Variants in FMO5 observed in about 807,000 individuals in gnomAD.
FMO5 encodes flavin-containing monooxygenase 5.
Under a neutral mutation model 43.6 loss-of-function variants are expected in FMO5, and 51 were observed. The observed-to-expected ratio is 1.17, with a 90% CI of 0.93 to 1.48. The LOEUF (loss-of-function observed/expected upper bound fraction) is 1.48, where lower values mean the gene tolerates loss of function less well. Among genes scored for constraint, FMO5 ranks in the 40% most tolerant of loss-of-function variants. FMO5 has a pLI of 0.00. For synonymous variants in FMO5, 187 were observed against 216.5 expected (o/e 0.86, Z 1.20); for missense variants, 644 against 643.0 (o/e 1.00, Z -0.02).
At chr1:147,214,092 C>T (rs1474011096) in intron 3 of FMO5, among the ~76,000 whole-genome samples, 3 of 152,178 alleles carry the variant, frequency 2.0e-5, no homozygotes, top group Non-Finnish European at 4.4e-5. Flanking sequence ...GGTTACCCTA[C>T]TTAGGTTAAG....
chr1:147,191,304 T>A (rs1358080645), intron 7 of FMO5, among the ~76,000 whole-genome samples: 1 of 152,044 alleles, frequency 6.6e-6, no homozygotes, highest in East Asian at 1.9e-4. Flanking sequence ...CCACCAACAG[T>A]GTAAAAGTGT....
At chr1:147,184,743 G>C (rs1655471245), downstream of FMO5, 1 of 1,236,388 alleles carries the variant, frequency 8.1e-7, no homozygotes, top group East Asian at 2.9e-5. The surrounding 1 kb of genome is among the most constrained non-coding windows in gnomAD (Gnocchi z 4.4). Context: ...TGTTAATCTT[G>C]ATAACCTAGC....
intron 2 of FMO5, among the ~76,000 whole-genome samples, chr1:147,217,365 G>T (rs1030654299): frequency 6.6e-6 from 1 of 151,998 alleles, no homozygotes; most frequent in Non-Finnish European, 1.5e-5. Flanking sequence ...TTTCACAAAT[G>T]AGGAGTTTTC....
chr1:147,204,870 G>A (rs587722430), intron 6 of FMO5: 1 of 1,594,470 alleles, frequency 6.3e-7, no homozygotes, highest in Non-Finnish European at 8.6e-7. Flanking sequence ...ATTCTGAAAA[G>A]TGTTTCGCTC....
At chr1:147,223,438 A>G (rs1392572063) in intron 2 of FMO5, 1 of 152,250 alleles carries the variant, frequency 6.6e-6, no homozygotes, top group Non-Finnish European at 1.5e-5. Flanking sequence ...CTGGCCAACA[A>G]TGTGTTAGTT....
intron 7 of FMO5, among the ~76,000 whole-genome samples, chr1:147,193,347 G>A (rs1413948212): frequency 1.3e-5 from 2 of 152,054 alleles, no homozygotes; most frequent in African/African-American, 2.4e-5. Context: ...TGTGGGATCG[G>A]TGGTGATATC....
intron 2 of FMO5, among the ~76,000 whole-genome samples, chr1:147,220,923 A>C (rs1282012495): frequency 6.9e-6 from 1 of 143,930 alleles, no homozygotes; most frequent in Non-Finnish European, 1.5e-5. Context: ...TTATAATAAC[A>C]TAAAATGAGT....
upstream of FMO5, among the ~76,000 whole-genome samples, chr1:147,226,608 T>C (rs1202617454): frequency 2.0e-5 from 3 of 152,160 alleles, no homozygotes; most frequent in African/African-American, 7.2e-5. Flanking sequence ...AGGGTTCTAT[T>C]TGACAGATGT....
At chr1:147,204,228 C>A in intron 6 of FMO5, 1 of 1,366,586 alleles carries the variant, frequency 7.3e-7, no homozygotes, top group African/African-American at 1.4e-5. Context: ...ATTTTTGCAT[C>A]TTTGACAGAT....
In FMO5 at chr1:147,225,016, C is replaced by A. The variant is rs1308543418; in HGVS notation, c.14G>T (p.Arg5Ile). The A allele has an allele frequency of 2.6e-6, 4 of 1,518,914 alleles. No individual in the cohort carries two copies. The South Asian group carries it at 4.8e-5, about 18-fold the overall frequency. 94.1% of individuals were successfully genotyped at this position (1,518,914 alleles called of 1,614,324 possible). Residue 5 changes from arginine (R) to isoleucine (I), a missense_variant, in exon 2 of 9, where the codon AGA becomes ATA. Transcript: ENST00000254090. MTKK[R>I]IAVIGGGVSG... is the part of the protein sequence containing the mutation. ...CACTCCTCCCCCAATCACAGCAATT[C>A]TTTTCTTAGTCATGGTCTCCCGAGA...
chr1:147,189,960 A>G (rs1383184105), intron 8 of FMO5, among the ~76,000 whole-genome samples: 1 of 152,090 alleles, frequency 6.6e-6, no homozygotes, highest in African/African-American at 2.4e-5. Flanking sequence ...TAAACATATG[A>G]TTTTAGACAC....
chr1:147,219,994 C>A (rs6660409), intron 2 of FMO5, among the ~76,000 whole-genome samples: 21,772 of 151,888 alleles, frequency 0.14, 1,535 homozygotes, highest in South Asian at 0.18. Flanking sequence ...GCATGCCACC[C>A]TGCCCAGCTA....
intron 8 of FMO5, among the ~76,000 whole-genome samples, chr1:147,188,885 A>G (rs1571137375): frequency 6.6e-6 from 1 of 152,166 alleles, no homozygotes; most frequent in Non-Finnish European, 1.5e-5. Flanking sequence ...CTTTAGAGCC[A>G]GAAAAGAAAG....
chr1:147,208,242 G>A (rs1660433071), intron 6 of FMO5, among the ~76,000 whole-genome samples: 1 of 152,036 alleles, frequency 6.6e-6, no homozygotes, highest in Non-Finnish European at 1.5e-5. Context: ...ATGAGTAAAT[G>A]ACGCACTGTC....
intron 1 of FMO5, 61 bp from the exon 2 acceptor site, chr1:147,225,127 C>T: frequency 6.3e-7 from 1 of 1,586,556 alleles, no homozygotes; most frequent in East Asian, 2.2e-5. Context: ...CAAGGAAGAC[C>T]TTGGCCGTGG....
intron 6 of FMO5, 38 bp from the exon 7 acceptor site, chr1:147,201,542 G>GAA: frequency 6.5e-7 from 1 of 1,531,326 alleles, no homozygotes; most frequent in Non-Finnish European, 9.0e-7. Flanking sequence ...AGAAATGAGA[G>GAA]AAAGAGAAAT....
intron 6 of FMO5, 84 bp downstream of exon 6, chr1:147,208,768 G>C: frequency 8.9e-7 from 1 of 1,120,986 alleles, no homozygotes; most frequent in South Asian, 1.3e-5. Flanking sequence ...TATGGGTAGA[G>C]GTGGCTTTAC....
chr1:147,191,630 T>A (rs1297155329), intron 7 of FMO5, among the ~76,000 whole-genome samples: 1 of 151,628 alleles, frequency 6.6e-6, no homozygotes, highest in South Asian at 2.1e-4. Flanking sequence ...CCCATTTTCT[T>A]GGTTGCCTGT....
downstream of FMO5, chr1:147,184,642 T>C: frequency 6.6e-7 from 1 of 1,526,188 alleles, no homozygotes; most frequent in Non-Finnish European, 8.8e-7. The surrounding 1 kb of genome is among the most constrained non-coding windows in gnomAD (Gnocchi z 4.4). Context: ...TGCATTATGG[T>C]TTTTGAGAGG....
Sources: gnomAD v4.1 joint callset for allele counts (sites outside exome capture counted in the v4.1 genomes callset) on GRCh38, gnomAD v4.1.1 for gene constraint, Gnocchi (gnomAD v3.1) non-coding constraint, MANE v1.5 for transcripts, NCBI Gene and HGNC (gene_info 2026-07-23, HGNC 2026-07-21) for gene names.